Variants in PIK3R4 observed in about 807,000 individuals in gnomAD.
The protein encoded by PIK3R4 is phosphoinositide-3-kinase regulatory subunit 4, also known as phosphoinositide 3-kinase regulatory subunit 4.
A neutral mutation model predicts 136.5 loss-of-function variants in PIK3R4; 46 were observed. That is an observed-to-expected ratio of 0.34 (90% confidence interval 0.27 to 0.43). PIK3R4 has a LOEUF of 0.43. Ranked by LOEUF, PIK3R4 falls within the 20% of genes least tolerant of loss-of-function variation. The probability of loss-of-function intolerance (pLI) is 1.00; values close to 1 mark genes in which losing one functional copy is unlikely to be tolerated. For synonymous variants in PIK3R4, 557 were observed against 566.7 expected, an observed-to-expected ratio of 0.98 and a Z score of 0.24; for missense variants, 1,331 against 1,649.5, an observed-to-expected ratio of 0.81 and a Z score of 3.35.
chr3:130,736,578 C>T (rs1056171016), intron 2 of PIK3R4, among the ~76,000 whole-genome samples: 13 of 151,356 alleles, frequency 8.6e-5, no homozygotes, highest in Admixed American at 5.3e-4. Context: ...AGTGAGACTC[C>T]ATCTCAAAAA....
At chr3:130,711,126 C>A (rs2066630344) in intron 9 of PIK3R4, among the ~76,000 whole-genome samples, 1 of 151,896 alleles carries the variant, frequency 6.6e-6, no homozygotes, top group African/African-American at 2.4e-5. Context: ...AACATACCCA[C>A]AAACTTCAGC....
chr3:130,683,079 T>C (rs1180275241), intron 16 of PIK3R4, among the ~76,000 whole-genome samples: 3 of 152,166 alleles, frequency 2.0e-5, no homozygotes, highest in Non-Finnish European at 2.9e-5. Context: ...GACTGGCTAA[T>C]GGACTGGAAG....
At chr3:130,702,802 T>G (rs1218026467) in intron 13 of PIK3R4, among the ~76,000 whole-genome samples, 1 of 152,250 alleles carries the variant, frequency 6.6e-6, no homozygotes, top group Non-Finnish European at 1.5e-5. Context: ...ATATTTAAAG[T>G]CTTAGGGATT....
In PIK3R4 at chr3:130,716,565, T is replaced by C; in HGVS notation, c.2162A>G (p.Lys721Arg). The part of the protein sequence containing the change: ...ERKLVLLSVL[K>R]EPVSRSIFDY... The stretch of plus-strand genomic sequence containing the variant: ...AAATATAGAACGACTTACTGGTTCC[T>C]TTAAAACACTGAGCAGAACAAGTTT... Residue 721 changes from lysine (K) to arginine (R), a missense_variant, in exon 9 of 20, where the codon AAG becomes AGG. Lys to Arg is a conservative substitution (Grantham distance 26, BLOSUM62 2). Transcript: ENST00000356763. The C allele has an allele frequency of 6.2e-7, 1 of 1,613,810 alleles. No homozygotes were observed. Among genetic ancestry groups the C allele is most frequent in the Non-Finnish European group, 8.5e-7 (1 of 1,179,750 alleles).
chr3:130,709,065 C>G (rs1576456344), intron 9 of PIK3R4, among the ~76,000 whole-genome samples: 1 of 152,264 alleles, frequency 6.6e-6, no homozygotes, highest in East Asian at 1.9e-4. Context: ...TGGCTGAAGT[C>G]AGACTGCCTA....
Position 130,708,348 on chromosome 3 carries a change from T to C in PIK3R4, c.2476A>G (p.Ile826Val). 1.2e-6 allele frequency: 2 copies of C among 1,613,882 alleles called. No homozygotes were observed. Among genetic ancestry groups the C allele is most frequent in the South Asian group, 1.1e-5 (1 of 91,072 alleles). Residue 826 changes from isoleucine (I) to valine (V), a missense_variant, in exon 10 of 20, where the codon ATA becomes GTA. Coordinates refer to ENST00000356763, the MANE Select transcript of PIK3R4 (RefSeq NM_014602.3). ...ACAAGATCAACTTGTCTCCCAGTTA[T>C]GCCTAAAGCTGCCAAGTCAATTACA... is the stretch of plus-strand genomic sequence containing the variant. ...KGVIDLAALG[I>V]TGRQVDLVKT...
At chr3:130,741,183 G>T (rs1466499517) in intron 2 of PIK3R4, among the ~76,000 whole-genome samples, 1 of 152,160 alleles carries the variant, frequency 6.6e-6, no homozygotes, top group Non-Finnish European at 1.5e-5. Flanking sequence ...GTTAATTAGG[G>T]TTAAAGAGGT....
chr3:130,724,985 T>TC (rs1334642944), intron 6 of PIK3R4, among the ~76,000 whole-genome samples: 1 of 152,006 alleles, frequency 6.6e-6, no homozygotes, highest in African/African-American at 2.4e-5. Flanking sequence ...TTTCATACAT[T>TC]ATACATTTTG....
At chr3:130,688,706 TA>T (rs2066501489) in intron 14 of PIK3R4, among the ~76,000 whole-genome samples, 1 of 152,186 alleles carries the variant, frequency 6.6e-6, no homozygotes, top group Non-Finnish European at 1.5e-5. Context: ...AAGAACATCA[TA>T]AAACATTGGC....
intron 7 of PIK3R4, among the ~76,000 whole-genome samples, chr3:130,721,310 C>G (rs1299025658): frequency 6.7e-6 from 1 of 148,754 alleles, no homozygotes; most frequent in Non-Finnish European, 1.5e-5. Context: ...GCAGTCCAGC[C>G]TGGGTGAAAG....
chr3:130,739,089 T>G (rs552415384), intron 2 of PIK3R4, among the ~76,000 whole-genome samples: 46 of 152,366 alleles, frequency 3.0e-4, no homozygotes, highest in Non-Finnish European at 5.1e-4. Context: ...TTTGTTTTGT[T>G]TTTTTGAGAC....
intron 8 of PIK3R4, 21 bp from the exon 9 acceptor site, chr3:130,716,620 G>A (rs1320106083): frequency 6.7e-7 from 1 of 1,487,946 alleles, no homozygotes; most frequent in African/African-American, 1.4e-5. Flanking sequence ...AAAATAAAAA[G>A]GATCAGCCAA....
Position 130,730,372 on chromosome 3 carries a change from C to T in PIK3R4, c.1521G>A (p.Met507Ile), listed in dbSNP as rs1239502231. The change falls in exon 5 of 20, where the codon ATG (methionine) becomes ATA (isoleucine). Residue 507 changes from methionine to isoleucine, a missense_variant. Physicochemically the swap from Met to Ile is conservative, Grantham distance 10. This residue lies in a region of PIK3R4 where 1,180 missense variants were observed against 1,407.0 expected (regional missense o/e 0.84). Coordinates refer to ENST00000356763, the MANE Select transcript of PIK3R4 (RefSeq NM_014602.3). ...TTTCTTCATTATTGGGGTCATTTTC[C>T]ATATTAAGATTTTTTAACTGTACTA... ...LELVQLKNLN[M>I]ENDPNNEEID... is the part of the protein sequence containing the mutation. 1.9e-6 allele frequency: 3 copies of T among 1,601,302 alleles called. No individual in the cohort carries two copies. Among genetic ancestry groups the T allele is most frequent in the Non-Finnish European group, 2.6e-6 (3 of 1,172,800 alleles).
intron 5 of PIK3R4, among the ~76,000 whole-genome samples, chr3:130,729,911 G>A (rs2066753062): frequency 6.6e-6 from 1 of 151,982 alleles, no homozygotes; most frequent in Admixed American, 6.6e-5. Flanking sequence ...ATGGTTTTTT[G>A]TAAATAACAA....
At chr3:130,692,785 G>A (rs2066526194) in intron 13 of PIK3R4, among the ~76,000 whole-genome samples, 1 of 152,222 alleles carries the variant, frequency 6.6e-6, no homozygotes, top group Non-Finnish European at 1.5e-5. Context: ...AGAGATGGGA[G>A]TGCCAATATG....
intron 9 of PIK3R4, among the ~76,000 whole-genome samples, chr3:130,712,676 GAAAAA>G (rs957163752): frequency 7.1e-6 from 1 of 141,742 alleles, no homozygotes; most frequent in Non-Finnish European, 1.6e-5. Flanking sequence ...ATTAAAAAAA[GAAAAA>G]AAAAAAGAAA....
At chr3:130,744,431 T>C (rs2066841686) in intron 2 of PIK3R4, 55 bp downstream of exon 2, 13 of 1,521,330 alleles carry the variant, frequency 8.5e-6, no homozygotes, top group Non-Finnish European at 9.7e-6. Flanking sequence ...CATTTCTGTT[T>C]AACAGTTAAA....
intron 13 of PIK3R4, among the ~76,000 whole-genome samples, chr3:130,697,087 T>TC (rs2066550227): frequency 8.2e-6 from 1 of 121,776 alleles, no homozygotes; most frequent in Non-Finnish European, 1.7e-5. Context: ...TTTTTTTTTT[T>TC]TGAGACGGAG....
At chr3:130,736,683 C>T (rs1186847917) in intron 2 of PIK3R4, among the ~76,000 whole-genome samples, 1 of 151,754 alleles carries the variant, frequency 6.6e-6, no homozygotes, top group Non-Finnish European at 1.5e-5. Context: ...CAAGTATGGA[C>T]TTACAGACAT....
Sources: gnomAD v4.1 joint callset for allele counts (sites outside exome capture counted in the v4.1 genomes callset) on GRCh38, gnomAD v4.1.1 for gene constraint, gnomAD v4.1.1 regional missense constraint, MANE v1.5 for transcripts, NCBI Gene and HGNC (gene_info 2026-07-23, HGNC 2026-07-21) for gene names.